Variants in NRG3 observed in about 807,000 individuals in gnomAD.
NRG3 encodes the protein neuregulin 3, also known as pro-neuregulin-3, membrane-bound isoform.
In NRG3, 31 loss-of-function variants were observed where a neutral mutation model predicts 66.9. The ratio of observed to expected loss-of-function variants is 0.46; its 90% CI spans 0.35 to 0.63. The LOEUF (loss-of-function observed/expected upper bound fraction) is 0.63. Among genes scored for constraint, NRG3 ranks in the 20% least tolerant of loss-of-function variants. NRG3 has a pLI of 0.00. For missense variants in NRG3, 910 were observed against 878.9 expected, an observed-to-expected ratio of 1.04 and a Z score of -0.45; for synonymous variants, 393 against 359.4, an observed-to-expected ratio of 1.09 and a Z score of -1.06.
intron 1 of NRG3, among the ~76,000 whole-genome samples, chr10:82,111,660 A>G (rs1366743323): frequency 6.6e-6 from 1 of 152,174 alleles, no homozygotes; most frequent in African/African-American, 2.4e-5. Flanking sequence ...ATTATCCAGC[A>G]GCCCACATTT....
At chr10:82,807,541 A>C (rs1187044860) in intron 3 of NRG3, among the ~76,000 whole-genome samples, 1 of 152,210 alleles carries the variant, frequency 6.6e-6, no homozygotes, top group Non-Finnish European at 1.5e-5. Flanking sequence ...CATCCATAGG[A>C]CTACAATGTA....
intron 2 of NRG3, among the ~76,000 whole-genome samples, chr10:82,502,153 A>C (rs1488420554): frequency 6.6e-6 from 1 of 152,114 alleles, no homozygotes; most frequent in Non-Finnish European, 1.5e-5. Context: ...GCTTTCTCTA[A>C]AAAAATTAGG....
At chr10:82,654,440 C>T (rs1276076032) in intron 2 of NRG3, among the ~76,000 whole-genome samples, 1 of 152,158 alleles carries the variant, frequency 6.6e-6, no homozygotes, top group Non-Finnish European at 1.5e-5. Flanking sequence ...TATTCTATCC[C>T]TACAGCATGC....
At chr10:81,942,842 C>G (rs919058216) in intron 1 of NRG3, among the ~76,000 whole-genome samples, 3 of 152,086 alleles carry the variant, frequency 2.0e-5, no homozygotes, top group African/African-American at 7.2e-5. Context: ...ATATAATTAT[C>G]AAAATATAAA....
At chr10:82,162,496 A>G (rs1210579700) in intron 1 of NRG3, among the ~76,000 whole-genome samples, 1 of 152,152 alleles carries the variant, frequency 6.6e-6, no homozygotes, top group African/African-American at 2.4e-5. Flanking sequence ...GACTTTTAAC[A>G]TTGTCATCAT....
At chr10:82,307,031 A>G (rs1038925173) in intron 1 of NRG3, among the ~76,000 whole-genome samples, 3 of 152,086 alleles carry the variant, frequency 2.0e-5, no homozygotes, top group African/African-American at 7.2e-5. Context: ...TCGGTTAGTC[A>G]TTAATTTCTT....
chr10:81,927,631 G>A (rs1476212938), intron 1 of NRG3, among the ~76,000 whole-genome samples: 1 of 151,998 alleles, frequency 6.6e-6, no homozygotes, highest in Non-Finnish European at 1.5e-5. Context: ...AATTGATTGG[G>A]AAGTTCAGAG....
intron 6 of NRG3, among the ~76,000 whole-genome samples, chr10:82,966,369 G>C (rs1851208786): frequency 1.3e-5 from 2 of 152,090 alleles, no homozygotes; most frequent in South Asian, 4.1e-4. Context: ...AATTTTGGAG[G>C]ATGCCCCTTT....
intron 3 of NRG3, among the ~76,000 whole-genome samples, chr10:82,857,351 T>G (rs1344492106): frequency 6.6e-6 from 1 of 152,194 alleles, no homozygotes; most frequent in Non-Finnish European, 1.5e-5. Context: ...TCATGCTCTG[T>G]AACACAGCCC....
chr10:82,351,718 G>A (rs1212791497), intron 1 of NRG3, among the ~76,000 whole-genome samples: 4 of 152,184 alleles, frequency 2.6e-5, no homozygotes, highest in Non-Finnish European at 4.4e-5. Context: ...CTGTAATCCA[G>A]ATCATAATAT....
chr10:82,444,277 A>G (rs868411979), intron 2 of NRG3, among the ~76,000 whole-genome samples: 147 of 152,136 alleles, frequency 9.7e-4, no homozygotes, highest in African/African-American at 3.4e-3. Flanking sequence ...TAATTTTTGT[A>G]TTTTTAGTAG....
intron 1 of NRG3, among the ~76,000 whole-genome samples, chr10:82,268,625 G>A (rs1210413128): frequency 6.6e-6 from 1 of 152,046 alleles, no homozygotes; most frequent in Non-Finnish European, 1.5e-5. Flanking sequence ...GTGTCATTGG[G>A]CCAATGTAAA....
chr10:82,195,471 A>T (rs2133399196), intron 1 of NRG3, among the ~76,000 whole-genome samples: 1 of 152,256 alleles, frequency 6.6e-6, no homozygotes, highest in South Asian at 2.1e-4. Flanking sequence ...CCCAGGGATG[A>T]ACTTTGTTGT....
chr10:82,587,596 A>AAC (rs1460598124), intron 2 of NRG3, among the ~76,000 whole-genome samples: 1 of 152,228 alleles, frequency 6.6e-6, no homozygotes, highest in Non-Finnish European at 1.5e-5. Context: ...AGGTAGGCCC[A>AAC]ACATCATCCA....
intron 4 of NRG3, among the ~76,000 whole-genome samples, chr10:82,949,733 T>C (rs777044735): frequency 2.0e-5 from 3 of 152,136 alleles, no homozygotes; most frequent in Non-Finnish European, 2.9e-5. Flanking sequence ...CAGGTGCCTA[T>C]AGTCCTAGCT....
intron 2 of NRG3, among the ~76,000 whole-genome samples, chr10:82,578,335 A>C (rs1433773571): frequency 7.2e-6 from 1 of 139,466 alleles, no homozygotes; most frequent in Non-Finnish European, 1.6e-5. Flanking sequence ...ATTTTAGCCT[A>C]GATGTCAGAA....
At chr10:82,323,618 T>C (rs1211579973) in intron 1 of NRG3, among the ~76,000 whole-genome samples, 1 of 152,056 alleles carries the variant, frequency 6.6e-6, no homozygotes, top group Admixed American at 6.6e-5. Context: ...AATGTTGGCC[T>C]AATAAAATAA....
At chr10:82,621,249 G>A (rs1210072198) in intron 2 of NRG3, among the ~76,000 whole-genome samples, 1 of 152,196 alleles carries the variant, frequency 6.6e-6, no homozygotes, top group Admixed American at 6.5e-5. Flanking sequence ...CAGACCTGCT[G>A]AAGTTTACAT....
intron 1 of NRG3, among the ~76,000 whole-genome samples, chr10:81,949,417 A>G (rs774432690): frequency 1.2e-4 from 19 of 152,124 alleles, no homozygotes; most frequent in Non-Finnish European, 2.8e-4. Flanking sequence ...TAAAATCTAC[A>G]GTGATGCAAA....
Sources: gnomAD v4.1 joint callset for allele counts (sites outside exome capture counted in the v4.1 genomes callset) on GRCh38, gnomAD v4.1.1 for gene constraint, MANE v1.5 for transcripts, NCBI Gene and HGNC (gene_info 2026-07-23, HGNC 2026-07-21) for gene names.